Variants in USP32 observed in about 807,000 individuals in gnomAD.
USP32 encodes the protein ubiquitin specific peptidase 32.
In USP32, 59 loss-of-function variants were observed where a neutral mutation model predicts 204.8. The ratio of observed to expected loss-of-function variants is 0.29; its 90% CI spans 0.23 to 0.36. The LOEUF (loss-of-function observed/expected upper bound fraction) is 0.36. USP32 is among the 10% of genes least tolerant of loss of function. The pLI, the probability that USP32 is intolerant of heterozygous loss-of-function variation, is 1.00. For synonymous variants in USP32, 517 were observed against 678.4 expected (o/e 0.76, Z 3.70); for missense variants, 1,160 against 1,946.4 (o/e 0.60, Z 7.60).
intron 2 of USP32, among the ~76,000 whole-genome samples, chr17:60,339,724 C>T (rs1162726898): frequency 6.6e-6 from 1 of 151,932 alleles, no homozygotes; most frequent in African/African-American, 2.4e-5. Context: ...CTCTCTTTTG[C>T]TCTAAAAATA....
At position 60,179,417 on chromosome 17, in the gene USP32, C is replaced by T. The variant is rs1142748; in HGVS notation, c.4653G>A (p.Pro1551=). The stretch of plus-strand genomic sequence containing the variant: ...AGGCAGAGTCGGTGTCAATTTCATC[C>T]GGGTGAAGTTCCTGAAAGGGCAAGA... ...YNDSSCKELH[P]DEIDTDSAYI... Residue 1551 remains proline (P), a synonymous_variant, in exon 34 of 34, where the codon CCG becomes CCA. Coordinates refer to ENST00000300896, the MANE Select transcript of USP32 (RefSeq NM_032582.4). The T allele has an allele frequency of 3.4e-5, 55 of 1,612,042 alleles. No individual in the cohort carries two copies. The highest frequency in any genetic ancestry group is 2.3e-4 in the South Asian group (21 of 90,974).
intron 2 of USP32, among the ~76,000 whole-genome samples, chr17:60,306,029 GA>G (rs2087713135): frequency 6.6e-6 from 1 of 151,604 alleles, no homozygotes; most frequent in African/African-American, 2.4e-5. Flanking sequence ...CAATGTTTCA[GA>G]AAGCAGTATG....
intron 1 of USP32, among the ~76,000 whole-genome samples, chr17:60,417,691 T>A (rs1398425001): frequency 6.6e-6 from 1 of 151,696 alleles, no homozygotes; most frequent in Non-Finnish European, 1.5e-5. Flanking sequence ...TGACCTCAAG[T>A]GATCCGCCTG....
intron 1 of USP32, among the ~76,000 whole-genome samples, chr17:60,413,217 G>A (rs1030325125): frequency 3.9e-5 from 6 of 152,218 alleles, no homozygotes; most frequent in African/African-American, 1.4e-4. Flanking sequence ...TATCCTGCCA[G>A]TGGGGGAGGG....
At chr17:60,206,865 C>T (rs1395129479) in intron 25 of USP32, among the ~76,000 whole-genome samples, 156 bp downstream of exon 25, 1 of 152,110 alleles carries the variant, frequency 6.6e-6, no homozygotes, top group Non-Finnish European at 1.5e-5. Flanking sequence ...TTAGGTTTCT[C>T]GTCGAAAAAA....
rs1598017935 is a variant in USP32, at chr17:60,179,183, C to T, written c.*72G>A. 8 of 1,521,270 alleles carry T rather than the reference C, an allele frequency of 5.3e-6. No individual in the cohort carries two copies. Among genetic ancestry groups the T allele is most frequent in the African/African-American group, 1.4e-5 (1 of 72,502 alleles). 94.2% of individuals were successfully genotyped at this position (1,521,270 alleles called of 1,614,324 possible). Reference sequence around the variant, plus strand: ...ACATTTAGCTTGCCTTTCAGTGACGCTTTTGCCAAATGTCAGCTACAAGGA... The same window carrying T: ...ACATTTAGCTTGCCTTTCAGTGACGTTTTTGCCAAATGTCAGCTACAAGGA... On this transcript the variant is annotated 3_prime_UTR_variant, in exon 34 of 34. Transcript: ENST00000300896.
At chr17:60,412,251 C>A (rs906135141) in intron 1 of USP32, among the ~76,000 whole-genome samples, 3 of 152,098 alleles carry the variant, frequency 2.0e-5, no homozygotes. Flanking sequence ...TGCCTATAAT[C>A]CCAGCACTTT....
At chr17:60,226,010 T>C (rs2085377623) in intron 13 of USP32, 29 bp downstream of exon 13, 1 of 1,491,394 alleles carries the variant, frequency 6.7e-7, no homozygotes, top group Admixed American at 2.3e-5. Flanking sequence ...AATAAACCAA[T>C]AAACCTCAGG....
rs1212081454 is a variant in USP32 at position 60,208,077 on chromosome 17, T to C, written c.2907A>G (p.Val969=). ...ATATTACCTTTATGTTGGAACCATG[T>C]ACTTCTGCTAGAAGGATTTGTTCTG... ...LNSEQILLAE[V]HGSNIKNFPQ... is the part of the protein sequence containing the mutation. The change falls in exon 24 of 34, where the codon GTA becomes GTG. Residue 969 remains valine (V), a synonymous_variant. Coordinates refer to ENST00000300896, the MANE Select transcript of USP32 (RefSeq NM_032582.4). 1 of 1,565,466 alleles carries C rather than the reference T, an allele frequency of 6.4e-7. No individual in the cohort carries two copies. Among genetic ancestry groups the C allele is most frequent in the Non-Finnish European group, 8.6e-7 (1 of 1,158,142 alleles).
chr17:60,265,005 A>T (rs1340149870), intron 9 of USP32, among the ~76,000 whole-genome samples: 1 of 151,968 alleles, frequency 6.6e-6, no homozygotes, highest in African/African-American at 2.4e-5. Flanking sequence ...AACTTCTATC[A>T]CTATTTGTTA....
intron 5 of USP32, among the ~76,000 whole-genome samples, chr17:60,282,987 C>T (rs1248049180): frequency 6.6e-6 from 1 of 152,192 alleles, no homozygotes; most frequent in Non-Finnish European, 1.5e-5. Context: ...TTCCAACAGA[C>T]TTAGAGATAG....
chr17:60,222,574 T>C, intron 14 of USP32, 25 bp from the exon 15 acceptor site: 2 of 1,606,054 alleles, frequency 1.2e-6, no homozygotes, highest in South Asian at 1.1e-5. Flanking sequence ...AATGACAATG[T>C]TGACTTTCAA....
intron 2 of USP32, among the ~76,000 whole-genome samples, chr17:60,318,859 T>C (rs1156661731): frequency 3.3e-5 from 5 of 152,282 alleles, no homozygotes; most frequent in Non-Finnish European, 7.3e-5. Context: ...GAGTGAAAAA[T>C]TGACCACTTT....
rs1399438194 is a variant in USP32 at position 60,412,992 on chromosome 17, A to AT, written c.106+9253_106+9254insA. Among the ~76,000 whole-genome samples the AT allele has an allele frequency of 1.3e-4, 20 of 152,282 alleles. No individual in the cohort carries two copies. The East Asian group carries it at 3.9e-3, about 29-fold the overall frequency. ...TGCCATTCTGCAGTGTTATTTTGAT[A>AT]CCCTGACAAGATATTTTTAGAGCAC... On this transcript the variant is annotated intron_variant, in intron 1 of 3. Transcript: ENST00000588898.
chr17:60,233,273 C>T (rs2085623107), intron 12 of USP32, among the ~76,000 whole-genome samples: 1 of 152,098 alleles, frequency 6.6e-6, no homozygotes, highest in Non-Finnish European at 1.5e-5. Context: ...CGAGACTAGC[C>T]TGGCAGGCAT....
chr17:60,178,762 C>T lies in USP32; in HGVS notation c.*493G>A, dbSNP rs1429181887. On this transcript the variant is annotated 3_prime_UTR_variant, in exon 34 of 34. Transcript: ENST00000300896. ...TCGTCCATGCCTTAAGAATCATTTG[C>T]ACACCTTCGTGATCTTGCTTTCTCC... Among the ~76,000 whole-genome samples the T allele has an allele frequency of 4.6e-5, 7 of 152,372 alleles. No individual in the cohort carries two copies. In the East Asian group the frequency reaches 5.8e-4, roughly 13 times the overall value.
At chr17:60,206,897 T>A (rs1240112327) in intron 25 of USP32, 124 bp downstream of exon 25, 12 of 1,453,926 alleles carry the variant, frequency 8.3e-6, no homozygotes, top group South Asian at 6.8e-5. Context: ...CAGTAAGGTT[T>A]CCCTTGGGTT....
intron 30 of USP32, 45 bp from the exon 31 acceptor site, chr17:60,183,498 A>T: frequency 6.6e-7 from 1 of 1,523,516 alleles, no homozygotes; most frequent in Non-Finnish European, 8.8e-7. Context: ...AGGGTTCTGA[A>T]GATACAAAAT....
intron 1 of USP32, among the ~76,000 whole-genome samples, chr17:60,408,170 A>G (rs1347655914): frequency 6.6e-6 from 1 of 152,126 alleles, no homozygotes; most frequent in Non-Finnish European, 1.5e-5. Flanking sequence ...ATTTATACCA[A>G]GAAGCAGGGG....
Sources: allele counts gnomAD v4.1 joint callset (sites outside exome capture counted in the v4.1 genomes callset), GRCh38; gene constraint gnomAD v4.1.1; transcripts MANE v1.5; gene names NCBI Gene and HGNC (gene_info 2026-07-23, HGNC 2026-07-21).